Variants in ARL15 observed in about 807,000 individuals in gnomAD.
ARL15 encodes the protein ADP-ribosylation factor-like protein 15.
ARL15 carries 19 observed loss-of-function variants against 25.2 expected under a neutral mutation model. The ratio of observed to expected loss-of-function variants is 0.75; its 90% confidence interval spans 0.53 to 1.10. ARL15 has a LOEUF of 1.10. Ranked by LOEUF, ARL15 falls within the 50% of genes least tolerant of loss-of-function variation. The pLI is 0.00. For synonymous variants in ARL15, 94 were observed against 86.8 expected, an observed-to-expected ratio of 1.08 and a Z score of -0.46; for missense variants, 220 against 246.0, an observed-to-expected ratio of 0.89 and a Z score of 0.71.
At chr5:54,112,638 T>C (rs1752774585) in intron 4 of ARL15, among the ~76,000 whole-genome samples, 1 of 152,196 alleles carries the variant, frequency 6.6e-6, no homozygotes, top group Admixed American at 6.5e-5. Flanking sequence ...AGTCTCATGC[T>C]TTTATAGGAG....
intron 4 of ARL15, among the ~76,000 whole-genome samples, chr5:53,914,683 G>A (rs2111991454): frequency 6.6e-6 from 1 of 152,368 alleles, no homozygotes; most frequent in East Asian, 1.9e-4. Context: ...AAGGTCTGAA[G>A]TGAGGCAGAT....
In ARL15 at chr5:53,886,582, G is replaced by T; in HGVS notation, c.594C>A (p.Asp198Glu). ...GATTTCACATTCTTACAGCTTCATGGTCTTTTTCTTCTAACAAATTAATCA... is the reference window on the plus strand; with the variant it reads ...GATTTCACATTCTTACAGCTTCATGTTCTTTTTCTTCTAACAAATTAATCA... ...SQLINLLEEK[D>E]HEAVRM Residue 198 changes from aspartate (D) to glutamate (E), a missense_variant, in exon 5 of 5, where the codon GAC becomes GAA. Asp to Glu is a conservative substitution (Grantham distance 45). Coordinates refer to ENST00000504924, the MANE Select transcript of ARL15 (RefSeq NM_019087.3). 1 of 1,562,266 alleles carries T rather than the reference G, an allele frequency of 6.4e-7. No homozygotes were observed. The highest frequency in any genetic ancestry group is 8.7e-7 in the Non-Finnish European group (1 of 1,151,670).
chr5:54,303,383 C>T (rs750635512), intron 1 of ARL15, among the ~76,000 whole-genome samples: 2 of 151,966 alleles, frequency 1.3e-5, no homozygotes, highest in Admixed American at 6.6e-5. Flanking sequence ...ACTAACCATA[C>T]GCCTGTAGTC....
chr5:54,041,178 T>C (rs1561199343), intron 4 of ARL15, among the ~76,000 whole-genome samples: 3 of 152,226 alleles, frequency 2.0e-5, no homozygotes, highest in Admixed American at 1.3e-4. Context: ...TTGTGTATTA[T>C]CTGGCAATAT....
chr5:53,889,887 A>G (rs1452639597), intron 4 of ARL15, among the ~76,000 whole-genome samples: 1 of 145,980 alleles, frequency 6.9e-6, no homozygotes, highest in Admixed American at 7.2e-5. Context: ...GTCTCGGCTC[A>G]CTGCAACCTC....
intron 1 of ARL15, among the ~76,000 whole-genome samples, chr5:54,250,736 T>G (rs539036439): frequency 6.8e-4 from 104 of 152,160 alleles, no homozygotes; most frequent in African/African-American, 2.4e-3. Context: ...CCACAGGTCC[T>G]GGGGGCAGCC....
chr5:53,911,673 T>C (rs1246708014), intron 4 of ARL15, among the ~76,000 whole-genome samples: 2 of 152,112 alleles, frequency 1.3e-5, no homozygotes, highest in African/African-American at 4.8e-5. Context: ...TGTAGTCTTT[T>C]ATCCCTCGCC....
intron 4 of ARL15, among the ~76,000 whole-genome samples, chr5:53,896,195 C>T (rs1744867373): frequency 6.6e-6 from 1 of 151,958 alleles, no homozygotes; most frequent in Non-Finnish European, 1.5e-5. Flanking sequence ...TGCCACGTCC[C>T]GCTAATTTTG....
chr5:54,161,580 G>A (rs1004545093), intron 2 of ARL15, among the ~76,000 whole-genome samples: 2 of 151,914 alleles, frequency 1.3e-5, no homozygotes, highest in African/African-American at 4.8e-5. Context: ...CCATTAATTT[G>A]TTTGCCATTT....
chr5:54,244,304 A>G (rs1757029614), intron 1 of ARL15, among the ~76,000 whole-genome samples: 3 of 152,226 alleles, frequency 2.0e-5, no homozygotes. Flanking sequence ...AGACCTGTGT[A>G]TTAAGTAGCT....
chr5:54,018,220 T>C (rs769221331), intron 4 of ARL15, among the ~76,000 whole-genome samples: 31 of 152,206 alleles, frequency 2.0e-4, no homozygotes, highest in Non-Finnish European at 3.5e-4. Context: ...TTTTTTTCTG[T>C]GAATTTCACT....
At chr5:54,215,268 A>C (rs1756162107) in intron 1 of ARL15, among the ~76,000 whole-genome samples, 1 of 152,126 alleles carries the variant, frequency 6.6e-6, no homozygotes, top group Admixed American at 6.6e-5. Flanking sequence ...TGTGGAAGAC[A>C]AAATAACTTT....
chr5:54,164,553 A>G (rs569499903), intron 2 of ARL15, among the ~76,000 whole-genome samples: 102 of 152,202 alleles, frequency 6.7e-4, no homozygotes, highest in African/African-American at 2.3e-3. Context: ...TGTTAGGTAC[A>G]TAAATGTGTA....
intron 4 of ARL15, among the ~76,000 whole-genome samples, chr5:54,025,699 C>T (rs368584306): frequency 5.5e-4 from 84 of 152,094 alleles, no homozygotes; most frequent in Middle Eastern, 3.4e-3. Flanking sequence ...AATTACAATC[C>T]GATCACATTA....
intron 4 of ARL15, among the ~76,000 whole-genome samples, chr5:54,003,661 T>TA (rs879374011): frequency 0.027 from 2,391 of 87,202 alleles, 33 homozygotes; most frequent in South Asian, 0.046. Flanking sequence ...AAATATTTTC[T>TA]TTCTATCTAT....
intron 4 of ARL15, among the ~76,000 whole-genome samples, chr5:53,973,204 AC>A (rs1177613789): frequency 2.0e-5 from 3 of 149,038 alleles, no homozygotes; most frequent in Admixed American, 1.4e-4. Context: ...GCAGATATAA[AC>A]TTGATTTAAA....
At chr5:54,208,557 T>A (rs1422209847) in intron 1 of ARL15, among the ~76,000 whole-genome samples, 3 of 152,192 alleles carry the variant, frequency 2.0e-5, no homozygotes, top group Non-Finnish European at 4.4e-5. Context: ...AAAACAATGA[T>A]GCTGCTCTGG....
At chr5:54,220,585 C>T (rs190156168) in intron 1 of ARL15, among the ~76,000 whole-genome samples, 1 of 152,106 alleles carries the variant, frequency 6.6e-6, no homozygotes, top group Non-Finnish European at 1.5e-5. Flanking sequence ...ATGATAATCA[C>T]CTTAATTTTT....
intron 1 of ARL15, among the ~76,000 whole-genome samples, chr5:54,183,572 T>C (rs1755127904): frequency 6.6e-6 from 1 of 150,820 alleles, no homozygotes; most frequent in African/African-American, 2.4e-5. Context: ...TTGAGGATTT[T>C]TGCATCAATG....
Sources: gnomAD v4.1 joint callset for allele counts (sites outside exome capture counted in the v4.1 genomes callset) on GRCh38, gnomAD v4.1.1 for gene constraint, MANE v1.5 for transcripts, NCBI Gene and HGNC (gene_info 2026-07-23, HGNC 2026-07-21) for gene names.